NLRP4: variants seen among roughly 807,000 people sequenced by gnomAD.
NLRP4 encodes the protein NACHT, LRR and PYD domains-containing protein 4.
NLRP4 carries 44 observed loss-of-function variants against 84.7 expected under a neutral mutation model. The observed-to-expected ratio is 0.52, with a 90% CI of 0.41 to 0.67. The LOEUF is 0.67. Ranked by LOEUF, NLRP4 falls within the 30% of genes least tolerant of loss-of-function variation. The pLI, the probability that NLRP4 is intolerant of heterozygous loss-of-function variation, is 0.00. For missense variants in NLRP4, 1,260 were observed against 1,219.4 expected, an observed-to-expected ratio of 1.03 and a Z score of -0.50; for synonymous variants, 544 against 476.4, an observed-to-expected ratio of 1.14 and a Z score of -1.85.
intron 1 of NLRP4, among the ~76,000 whole-genome samples, chr19:55,846,391 T>C (rs1199640964): frequency 6.6e-6 from 1 of 152,170 alleles, no homozygotes. Flanking sequence ...ATCTCTGTTT[T>C]GGTACACTCT....
rs141732171 is a variant in NLRP4, at chr19:55,852,414, T to C, written c.280+54T>C. On this transcript the variant is annotated intron_variant, in intron 2 of 9. Transcript: ENST00000301295. Reference sequence around the variant, plus strand: ...TCTTATAATGAGGACTATGTCCTAATTTTGGTGAGTGGTCTCTGCCTGTCT... The same window carrying C: ...TCTTATAATGAGGACTATGTCCTAACTTTGGTGAGTGGTCTCTGCCTGTCT... The C allele has an allele frequency of 1.2e-3, 1,434 of 1,212,330 alleles. 8 individuals are homozygous for C. In the African/African-American group the frequency reaches 0.02, roughly 17 times the overall value. The allele number at this position is 1,212,330 out of a possible 1,614,324, so 75.1% of individuals were successfully genotyped here.
At position 55,857,708 on chromosome 19, in the gene NLRP4, G is replaced by C; in HGVS notation, c.315G>C (p.Gln105His). The C allele has an allele frequency of 6.2e-7, 1 of 1,613,808 alleles. No individual in the cohort carries two copies. Among genetic ancestry groups the C allele is most frequent in the Non-Finnish European group, 8.5e-7 (1 of 1,179,904 alleles). ...YTKTYQAHAK[Q>H]KFSRLWSSKS... ...AGACCTATCAAGCTCACGCAAAGCA[G>C]AAATTCAGCCGCTTATGGTCCAGCA... is the stretch of plus-strand genomic sequence containing the variant. The change falls in exon 3 of 10, where the codon CAG becomes CAC. Residue 105 changes from glutamine (Q) to histidine (H), a missense_variant. Gln to His is a conservative substitution (Grantham distance 24, BLOSUM62 0). Around this residue, in one of 3 missense-constraint regions of NLRP4, gnomAD observed 712 missense variants for 669.2 expected, o/e 1.06. Transcript: ENST00000301295.
At chr19:55,881,221 A>T (rs998840977) in intron 9 of NLRP4, among the ~76,000 whole-genome samples, 1 of 150,904 alleles carries the variant, frequency 6.6e-6, no homozygotes, top group Non-Finnish European at 1.5e-5. Flanking sequence ...AAAATTGGCC[A>T]TGATTGCCTT....
intron 3 of NLRP4, among the ~76,000 whole-genome samples, chr19:55,860,713 G>A (rs1388873309): frequency 6.6e-6 from 1 of 152,204 alleles, no homozygotes; most frequent in Non-Finnish European, 1.5e-5. Context: ...GAGAGTTTTA[G>A]GGCTGAGCCT....
Position 55,853,831 on chromosome 19 carries a change from T to TTC in NLRP4, c.280+1480_280+1481dup, listed in dbSNP as rs368467937. ...TTTCTCTTTCTTTCTTGCTGTCTCT[T>TTC]TCTCTCTCTCGTTCTGTCTTTCTCT... On this transcript the variant is annotated intron_variant, in intron 2 of 9. Transcript: ENST00000301295. Among the ~76,000 whole-genome samples the TTC allele has an allele frequency of 5.5e-4, 83 of 150,806 alleles. 2 individuals carry two copies. In the Middle Eastern group the frequency reaches 0.014, roughly 25 times the overall value.
intron 1 of NLRP4, among the ~76,000 whole-genome samples, chr19:55,846,773 C>G (rs1388709056): frequency 6.6e-6 from 1 of 152,022 alleles, no homozygotes; most frequent in African/African-American, 2.4e-5. Context: ...GGCCTCAGGA[C>G]TCAGATACAT....
chr19:55,863,783 C>T (rs143865029), intron 5 of NLRP4, among the ~76,000 whole-genome samples: 352 of 152,286 alleles, frequency 2.3e-3, no homozygotes, highest in Non-Finnish European at 3.9e-3. Flanking sequence ...CATGACAGTG[C>T]GTTGGCTGGC....
intron 8 of NLRP4, among the ~76,000 whole-genome samples, chr19:55,878,091 C>G (rs949549844): frequency 6.6e-6 from 1 of 152,138 alleles, no homozygotes; most frequent in African/African-American, 2.4e-5. Context: ...ACAGGCTGGG[C>G]AACATGGTAA....
intron 2 of NLRP4, among the ~76,000 whole-genome samples, chr19:55,852,958 A>C (rs190329102): frequency 6.6e-6 from 1 of 152,240 alleles, no homozygotes; most frequent in African/African-American, 2.4e-5. Context: ...AAGTCGTTGC[A>C]TAAGAACTAT....
chr19:55,869,445 C>T (rs1055040434), intron 6 of NLRP4, among the ~76,000 whole-genome samples: 1 of 151,902 alleles, frequency 6.6e-6, no homozygotes, highest in African/African-American at 2.4e-5. Flanking sequence ...AATTGAGATC[C>T]GTGAGAGAAG....
intron 1 of NLRP4, among the ~76,000 whole-genome samples, chr19:55,842,305 A>G (rs938280754): frequency 2.0e-5 from 3 of 152,114 alleles, no homozygotes; most frequent in African/African-American, 7.2e-5. Flanking sequence ...GTTCGAGTTG[A>G]CCATCACTTT....
At chr19:55,843,752 G>A (rs1983697318) in intron 1 of NLRP4, among the ~76,000 whole-genome samples, 1 of 151,828 alleles carries the variant, frequency 6.6e-6, no homozygotes, top group African/African-American at 2.4e-5. Flanking sequence ...TGGTACAAAA[G>A]TAATTGCGGT....
chr19:55,874,582 C>T (rs1035349852), intron 7 of NLRP4, among the ~76,000 whole-genome samples: 2 of 152,062 alleles, frequency 1.3e-5, no homozygotes, highest in African/African-American at 2.4e-5. Flanking sequence ...TAAATGTACT[C>T]AAGACAAAAG....
chr19:55,848,485 C>T (rs1983886633), intron 1 of NLRP4, among the ~76,000 whole-genome samples: 1 of 152,122 alleles, frequency 6.6e-6, no homozygotes, highest in Non-Finnish European at 1.5e-5. Flanking sequence ...CTCACTGCAA[C>T]CTCCACCTCC....
chr19:55,852,476 G>A (rs1012352768), intron 2 of NLRP4, 116 bp downstream of exon 2: 5 of 444,648 alleles, frequency 1.1e-5, no homozygotes, highest in Admixed American at 1.0e-4. Context: ...AAAATATTAG[G>A]TTTTTTTTTT....
chr19:55,850,572 T>TGGCTGCGGTGTAATTTCCGA (rs1984053311), intron 1 of NLRP4, among the ~76,000 whole-genome samples: 1 of 64,844 alleles, frequency 1.5e-5, no homozygotes, highest in Non-Finnish European at 2.6e-5. Flanking sequence ...GTAATGTCCG[T>TGGCTGCGGTGTAATTTCCGA]GGCTGCGGTG....
rs748614454 is a variant in NLRP4, at chr19:55,858,247, AGGAGCTCC to A, written c.857_864del (p.Glu286GlyfsTer18). 6.2e-7 allele frequency: 1 copy of A among 1,614,176 alleles called. No homozygotes were observed. The highest frequency in any genetic ancestry group is 1.1e-5 in the South Asian group (1 of 91,084). On this transcript the variant is annotated frameshift_variant, in exon 3 of 10. Transcript: ENST00000301295. LOFTEE classifies it high-confidence loss of function. This position sits in a 1 kb window ranked among gnomAD's most constrained non-coding sequence, Gnocchi z 4.2. ...ATCGCTATCAAACCCGTGTGCCCGA[AGGAGCTCC>A]GGGATCAGGTGACGATCTCAGAAAT...
chr19:55,873,161 C>G (rs938223731), intron 7 of NLRP4, among the ~76,000 whole-genome samples: 2 of 150,882 alleles, frequency 1.3e-5, no homozygotes, highest in African/African-American at 4.8e-5. Flanking sequence ...GTTCCTTAGA[C>G]AGAAGTAAAT....
chr19:55,863,471 AAGAG>A (rs1415621554), intron 5 of NLRP4, among the ~76,000 whole-genome samples: 1 of 152,110 alleles, frequency 6.6e-6, no homozygotes, highest in Admixed American at 6.5e-5. Flanking sequence ...GAGCAGGAAG[AAGAG>A]AGAAGAGGGA....
Sources: gnomAD v4.1 joint callset for allele counts (sites outside exome capture counted in the v4.1 genomes callset) on GRCh38, gnomAD v4.1.1 for gene constraint, gnomAD v4.1.1 regional missense constraint, Gnocchi (gnomAD v3.1) non-coding constraint, MANE v1.5 for transcripts, NCBI Gene and HGNC (gene_info 2026-07-23, HGNC 2026-07-21) for gene names.